ART5: variants seen among roughly 807,000 people sequenced by gnomAD.
ART5 encodes ecto-ADP-ribosyltransferase 5.
Under a neutral mutation model 25.0 loss-of-function variants are expected in ART5, and 22 were observed. The observed-to-expected ratio is 0.88, with a 90% CI of 0.63 to 1.26. The LOEUF (loss-of-function observed/expected upper bound fraction) is 1.26. Ranked by LOEUF, ART5 falls within the 50% of genes most tolerant of loss-of-function variation. The pLI, the probability that ART5 is intolerant of heterozygous loss-of-function variation, is 0.00. For missense variants in ART5, 402 were observed against 372.8 expected, an observed-to-expected ratio of 1.08 and a Z score of -0.64; for synonymous variants, 161 against 154.8, an observed-to-expected ratio of 1.04 and a Z score of -0.30.
chr11:3,641,678 G>A (rs2077400213), intron 1 of ART5, 128 bp downstream of exon 1: 3 of 1,474,644 alleles, frequency 2.0e-6, no homozygotes, highest in Non-Finnish European at 2.7e-6. Context: ...GAGAGGAAGA[G>A]AGTTAAGAGT....
Position 3,639,744 on chromosome 11 carries a change from CT to C in ART5, c.684del (p.Val229SerfsTer16). The part of the protein sequence containing the change: ...KEREVLIPPH[E>X]VFLVTRFSQD... Reference sequence around the variant, plus strand: ...TGAGAGAATCTGGTAACCAAAAAGACTTCATGGGGGGGAATCAGCACCTCGC... The same window carrying C: ...TGAGAGAATCTGGTAACCAAAAAGACTCATGGGGGGGAATCAGCACCTCGC... On this transcript the variant is annotated frameshift_variant, in exon 2 of 4. Coordinates refer to ENST00000397068, the MANE Select transcript of ART5 (RefSeq NM_053017.5). LOFTEE classifies it high-confidence loss of function. 1.2e-6 allele frequency: 2 copies of C among 1,614,092 alleles called. No individual in the cohort carries two copies. The highest frequency in any genetic ancestry group is 1.7e-6 in the Non-Finnish European group (2 of 1,180,022).
At chr11:3,642,367 G>A (rs988616546), upstream of ART5, 1 of 847,066 alleles carries the variant, frequency 1.2e-6, no homozygotes, top group Non-Finnish European at 1.4e-6. Flanking sequence ...CGCCAGGGCA[G>A]GGACTGAGGA....
In ART5 at chr11:3,638,786, C is replaced by A. The variant is rs771287004; in HGVS notation, c.828G>T (p.Leu276=). The change falls in exon 4 of 4, where the codon CTG becomes CTT. Residue 276 remains leucine (L), a synonymous_variant. Coordinates refer to ENST00000397068, the MANE Select transcript of ART5 (RefSeq NM_053017.5). ...RRGCVSAPGA[L]GTGDLHMTKR... ...TCGTCATATGAAGGTCACCCGTTCC[C>A]AGGGCTCCTAAGTGGCAGATGTTGG... 18 of 1,614,136 alleles carry A rather than the reference C, an allele frequency of 1.1e-5. No individual in the cohort carries two copies. The highest frequency in any genetic ancestry group is 1.7e-4 in the Middle Eastern group (1 of 6,060).
upstream of ART5, chr11:3,642,124 G>T: frequency 7.5e-7 from 1 of 1,328,378 alleles, no homozygotes; most frequent in East Asian, 2.9e-5. Flanking sequence ...CTGTAAAGGC[G>T]GGGCCGCAGT....
chr11:3,641,711 G>T, intron 1 of ART5, 95 bp downstream of exon 1: 1 of 1,531,904 alleles, frequency 6.5e-7, no homozygotes, highest in South Asian at 1.2e-5. Context: ...AAGAGTCCCT[G>T]GGAGAGGGAT....
At chr11:3,639,127 TC>T in intron 2 of ART5, 92 bp from the exon 3 acceptor site, 1 of 1,363,588 alleles carries the variant, frequency 7.3e-7, no homozygotes, top group Non-Finnish European at 1.0e-6. Context: ...ATTTCCCTTC[TC>T]AATCTATCTT....
rs568987080 is a variant in ART5 at position 3,639,495 on chromosome 11, C to G, written c.787+147G>C. ...ATAGGACCCCAAAAAACCTGAGTCA[C>G]AGAGGACAGCAACTCCAGCTGACTT... On this transcript the variant is annotated intron_variant, in intron 2 of 3. Transcript: ENST00000397068. 4.1e-6 allele frequency: 5 copies of G among 1,211,428 alleles called. No homozygotes were observed. The South Asian group carries it at 7.8e-5, about 19-fold the overall frequency. 75.0% of individuals were successfully genotyped at this position (1,211,428 alleles called of 1,614,324 possible).
In ART5 at chr11:3,640,027, A is replaced by G. The variant is rs2077370149; in HGVS notation, c.402T>C (p.His134=). The G allele has an allele frequency of 6.2e-7, 1 of 1,614,186 alleles. No individual in the cohort carries two copies. The highest frequency in any genetic ancestry group is 8.5e-7 in the Non-Finnish European group (1 of 1,180,044). The change falls in exon 2 of 4, where the codon CAT becomes CAC. Residue 134 remains histidine (H), a synonymous_variant. Coordinates refer to ENST00000397068, the MANE Select transcript of ART5 (RefSeq NM_053017.5). The part of the protein sequence containing the change: ...YMRHFPFKAL[H]FYLIRALQLL... ...GCTGCAGGGCCCGGATCAGGTAGAA[A>G]TGCAGGGCCTTGAAGGGAAAGTGCC...
chr11:3,641,980 CG>C lies in ART5; in HGVS notation c.-119del. 6.8e-7 allele frequency: 1 copy of C among 1,466,510 alleles called. No homozygotes were observed. Among genetic ancestry groups the C allele is most frequent in the Non-Finnish European group, 9.0e-7 (1 of 1,105,032 alleles). 90.8% of individuals were successfully genotyped at this position (1,466,510 alleles called of 1,614,324 possible). A position where few individuals can be genotyped will look rare whatever the true frequency, so the allele number is the denominator to read the frequency against. On this transcript the variant is annotated 5_prime_UTR_variant, in exon 1 of 4. Transcript: ENST00000397068. ...CCCTGTCTCCAGGCGCACGGGATCC[CG>C]GGTCCAGGATTAGGGCCCCGGCGGG...
Position 3,639,023 on chromosome 11 carries a change from C to G in ART5, c.800G>C (p.Arg267Pro), listed in dbSNP as rs550234024. ...NCAYLGGEKR[R>P]GCVSAPGALG... ...CTCACCTGGCGCAGACACACAGCCC[C>G]GCCTCTTCTCCCCTGCAACAGACAG... Residue 267 changes from arginine (R) to proline (P), a missense_variant, in exon 3 of 4, where the codon CGG becomes CCG. Transcript: ENST00000397068. The G allele has an allele frequency of 1.3e-3, 1,961 of 1,553,086 alleles. 49 individuals carry two copies. In the South Asian group the frequency reaches 0.021, roughly 17 times the overall value.
In ART5 at chr11:3,640,045, A is replaced by C. The variant is rs749840441; in HGVS notation, c.384T>G (p.Phe128Leu). The change falls in exon 2 of 4, where the codon TTT (phenylalanine) becomes TTG (leucine). Residue 128 changes from phenylalanine (F) to leucine (L), a missense_variant. Coordinates refer to ENST00000397068, the MANE Select transcript of ART5 (RefSeq NM_053017.5). Reference sequence around the variant, plus strand: ...GGTAGAAATGCAGGGCCTTGAAGGGAAAGTGCCTCATGTAGAGCTCCCGGG... The same window carrying C: ...GGTAGAAATGCAGGGCCTTGAAGGGCAAGTGCCTCATGTAGAGCTCCCGGG... The part of the protein sequence containing the change: ...GGSRELYMRH[F>L]PFKALHFYLI... The C allele has an allele frequency of 7.4e-5, 119 of 1,614,040 alleles. 2 individuals are homozygous for C. In the South Asian group the frequency reaches 1.3e-3, roughly 17 times the overall value.
At chr11:3,642,243 C>T (rs2077416001), upstream of ART5, 6 of 1,090,730 alleles carry the variant, frequency 5.5e-6, no homozygotes, top group Non-Finnish European at 6.7e-6. Context: ...TGCGCTGTCC[C>T]CGGAGGAGTC....
chr11:3,641,780 G>T (rs1367391958), intron 1 of ART5, 26 bp downstream of exon 1: 5 of 1,566,752 alleles, frequency 3.2e-6, no homozygotes, highest in Non-Finnish European at 4.3e-6. Flanking sequence ...TCCCCCTTGG[G>T]GCTAGGAGAT....
At chr11:3,640,706 A>T (rs2077384007) in intron 1 of ART5, among the ~76,000 whole-genome samples, 1 of 151,410 alleles carries the variant, frequency 6.6e-6, no homozygotes, top group Non-Finnish European at 1.5e-5. Flanking sequence ...ACTAACTGGG[A>T]TTACCTGTGC....
intron 3 of ART5, 79 bp from the exon 4 acceptor site, chr11:3,638,872 A>AG (rs764632596): frequency 3.7e-6 from 6 of 1,613,174 alleles, no homozygotes; most frequent in South Asian, 1.1e-5. Context: ...AGAGTCTTCC[A>AG]GGGGGGCAGA....
upstream of ART5, chr11:3,642,000 CGGCGGGGCGTG>C: frequency 6.9e-7 from 1 of 1,459,164 alleles, no homozygotes; most frequent in Non-Finnish European, 9.0e-7. Context: ...ATTAGGGCCC[CGGCGGGGCGTG>C]GGCGGGGCCT....
At position 3,638,786 on chromosome 11, in the gene ART5, C is replaced by T. The variant is rs771287004; in HGVS notation, c.828G>A (p.Leu276=). The T allele has an allele frequency of 6.2e-7, 1 of 1,614,136 alleles. No homozygotes were observed. The highest frequency in any genetic ancestry group is 1.1e-5 in the South Asian group (1 of 91,074). The change falls in exon 4 of 4, where the codon CTG becomes CTA. Residue 276 remains leucine, a synonymous_variant. Coordinates refer to ENST00000397068, the MANE Select transcript of ART5 (RefSeq NM_053017.5). ...RRGCVSAPGA[L]GTGDLHMTKR... ...TCGTCATATGAAGGTCACCCGTTCCCAGGGCTCCTAAGTGGCAGATGTTGG... is the reference window on the plus strand; with the variant it reads ...TCGTCATATGAAGGTCACCCGTTCCTAGGGCTCCTAAGTGGCAGATGTTGG...
chr11:3,641,643 G>T (rs554016542), intron 1 of ART5, among the ~76,000 whole-genome samples, 163 bp downstream of exon 1: 2 of 152,138 alleles, frequency 1.3e-5, no homozygotes, highest in African/African-American at 4.8e-5. Flanking sequence ...GGAACTTGGG[G>T]CTCCCTGCAG....
chr11:3,640,846 A>G (rs2077385959), intron 1 of ART5, among the ~76,000 whole-genome samples: 1 of 152,158 alleles, frequency 6.6e-6, no homozygotes, highest in Admixed American at 6.5e-5. Context: ...GGTTCAAGCA[A>G]TTCTCCTCTC....
Sources: allele counts gnomAD v4.1 joint callset (sites outside exome capture counted in the v4.1 genomes callset), GRCh38; gene constraint gnomAD v4.1.1; transcripts MANE v1.5; gene names NCBI Gene and HGNC (gene_info 2026-07-23, HGNC 2026-07-21).